Variants in FRG1 observed in about 807,000 individuals in gnomAD.
The protein encoded by FRG1 is protein FRG1.
A neutral mutation model predicts 37.0 loss-of-function variants in FRG1; 19 were observed. The observed-to-expected ratio is 0.51, with a 90% CI of 0.36 to 0.75. FRG1 has a LOEUF of 0.75. FRG1 is among the 30% of genes least tolerant of loss of function. The pLI is 0.00. For missense variants in FRG1, 243 were observed against 301.4 expected, an observed-to-expected ratio of 0.81 and a Z score of 1.44; for synonymous variants, 73 against 96.5, an observed-to-expected ratio of 0.76 and a Z score of 1.43.
intron 4 of FRG1, among the ~76,000 whole-genome samples, chr4:189,954,421 AATTT>A (rs1467518055): frequency 7.2e-5 from 11 of 152,084 alleles, no homozygotes; most frequent in East Asian, 1.9e-4. Context: ...AAGTTTTAGT[AATTT>A]ATTCTTGAAC....
rs1736267513 is a variant in FRG1, at chr4:189,941,055, G to A, written c.46G>A (p.Gly16Arg). 1 of 1,614,140 alleles carries A rather than the reference G, an allele frequency of 6.2e-7. No homozygotes were observed. The highest frequency in any genetic ancestry group is 1.6e-4 in the Middle Eastern group (1 of 6,062). Reference protein sequence around the residue: ...YVKSTKLVLKGTKTKSKKKKS... With the variant: ...YVKSTKLVLKRTKTKSKKKKS... ...GAAGTCTACCAAGCTCGTGCTCAAG[G>A]GAACCAAGACGAAGAGGTGGGTCCT... The change falls in exon 1 of 9, where the codon GGA (glycine) becomes AGA (arginine). Residue 16 changes from glycine to arginine, a missense_variant. Physicochemically the swap from Gly to Arg is moderately radical, Grantham distance 125. This residue lies in a region of FRG1 where 110 missense variants were observed against 102.2 expected (regional missense o/e 1.08). Coordinates refer to ENST00000226798, the MANE Select transcript of FRG1 (RefSeq NM_004477.3).
intron 6 of FRG1, among the ~76,000 whole-genome samples, chr4:189,959,583 A>G (rs1345159149): frequency 2.0e-5 from 3 of 152,212 alleles, no homozygotes; most frequent in Admixed American, 2.0e-4. Context: ...ATTTATTTAT[A>G]TTTTATTGTA....
At chr4:189,946,976 C>T (rs532617501) in intron 2 of FRG1, among the ~76,000 whole-genome samples, 2 of 152,254 alleles carry the variant, frequency 1.3e-5, no homozygotes, top group South Asian at 2.1e-4. Context: ...CCTCAGCCTC[C>T]GGAGTAACTG....
At chr4:189,945,776 T>G (rs1266258385) in intron 2 of FRG1, among the ~76,000 whole-genome samples, 1 of 152,150 alleles carries the variant, frequency 6.6e-6, no homozygotes, top group Admixed American at 6.5e-5. Context: ...GTCACAAAAT[T>G]AGATGGAAAG....
intron 2 of FRG1, among the ~76,000 whole-genome samples, chr4:189,950,569 T>C (rs1736710990): frequency 1.3e-5 from 2 of 152,202 alleles, no homozygotes; most frequent in South Asian, 2.1e-4. Context: ...TCCAACTTCA[T>C]TTTAGCTAAA....
In FRG1 at chr4:189,957,418, C is replaced by A; in HGVS notation, c.453C>A (p.Ala151=). 1 of 1,612,212 alleles carries A rather than the reference C, an allele frequency of 6.2e-7. No homozygotes were observed. The highest frequency in any genetic ancestry group is 1.1e-5 in the South Asian group (1 of 90,894). The change falls in exon 6 of 9, where the codon GCC becomes GCA. Residue 151 remains alanine (A), a synonymous_variant. Transcript: ENST00000226798. ...CTTAGGGGAAAATGGCTTTGTTGGC[C>A]TCAAATAGCTGCTTTATTAGATGCA... ...VFQNGKMALL[A]SNSCFIRCNE...
chr4:189,946,634 C>T (rs6822555), intron 2 of FRG1, among the ~76,000 whole-genome samples: 152,318 of 152,320 alleles, frequency 1, 76,158 homozygotes, highest in Middle Eastern at 1. Flanking sequence ...TTCAAAATAT[C>T]ATCTAGTTTT....
At chr4:189,957,535 T>C (rs779585295) in intron 6 of FRG1, 33 bp downstream of exon 6, 1 of 1,603,470 alleles carries the variant, frequency 6.2e-7, no homozygotes, top group Admixed American at 1.7e-5. Flanking sequence ...ATGACTGCAT[T>C]CACACATGCG....
chr4:189,951,127 A>G (rs200378232), intron 2 of FRG1, among the ~76,000 whole-genome samples: 1 of 152,142 alleles, frequency 6.6e-6, no homozygotes, highest in Non-Finnish European at 1.5e-5. Flanking sequence ...TAATATTTCT[A>G]TTGGCAAATT....
chr4:189,956,669 A>C (rs1309877224), intron 5 of FRG1, among the ~76,000 whole-genome samples: 1 of 152,246 alleles, frequency 6.6e-6, no homozygotes, highest in Non-Finnish European at 1.5e-5. Flanking sequence ...GATGTGATAT[A>C]AGGTTAACAT....
chr4:189,944,818 A>G (rs1736459242), intron 2 of FRG1, among the ~76,000 whole-genome samples: 1 of 152,276 alleles, frequency 6.6e-6, no homozygotes, highest in African/African-American at 2.4e-5. Flanking sequence ...AAGTCTTGAG[A>G]TCAGGTAGTG....
rs1561081563 is a variant in FRG1 at position 189,963,131 on chromosome 4, T to A, written c.*2T>A. ...AAAGCCGACAGATACTGCAAGTGAC[T>A]GGGATTTTTGTTTCTGCCTTATCTT... On this transcript the variant is annotated 3_prime_UTR_variant, in exon 9 of 9. Transcript: ENST00000226798. 2 of 1,611,410 alleles carry A rather than the reference T, an allele frequency of 1.2e-6. No homozygotes were observed. The highest frequency in any genetic ancestry group is 2.2e-5 in the East Asian group (1 of 44,774).
intron 8 of FRG1, 68 bp downstream of exon 8, chr4:189,962,000 A>G: frequency 1.3e-6 from 1 of 787,732 alleles, no homozygotes; most frequent in Non-Finnish European, 2.1e-6. Context: ...GAAAACCTAC[A>G]TTCTCTTAAA....
chr4:189,941,569 A>G (rs1416953706), intron 1 of FRG1, among the ~76,000 whole-genome samples: 1 of 152,118 alleles, frequency 6.6e-6, no homozygotes, highest in Non-Finnish European at 1.5e-5. Context: ...GTCATTTACT[A>G]GTTTTGTAAT....
chr4:189,951,990 A>T (rs998316265), intron 2 of FRG1, among the ~76,000 whole-genome samples, 172 bp from the exon 3 acceptor site: 1 of 152,222 alleles, frequency 6.6e-6, no homozygotes, highest in Non-Finnish European at 1.5e-5. Context: ...ACAGTGTATG[A>T]TACTTATGCA....
At chr4:189,949,154 G>A (rs1162289934) in intron 2 of FRG1, among the ~76,000 whole-genome samples, 1 of 152,134 alleles carries the variant, frequency 6.6e-6, no homozygotes, top group East Asian at 1.9e-4. Flanking sequence ...TTCAGCTTGG[G>A]CATCTGCACC....
chr4:189,951,079 C>T (rs1391925039), intron 2 of FRG1, among the ~76,000 whole-genome samples: 3 of 152,120 alleles, frequency 2.0e-5, no homozygotes, highest in African/African-American at 7.2e-5. Flanking sequence ...AAGATATAAA[C>T]TTTTATAACA....
chr4:189,946,698 T>G (rs556365898), intron 2 of FRG1, among the ~76,000 whole-genome samples: 1 of 152,366 alleles, frequency 6.6e-6, no homozygotes, highest in African/African-American at 2.4e-5. Context: ...TATATTGTTT[T>G]TAATTTCTAC....
At chr4:189,951,792 G>A (rs1736764898) in intron 2 of FRG1, among the ~76,000 whole-genome samples, 1 of 152,058 alleles carries the variant, frequency 6.6e-6, no homozygotes, top group South Asian at 2.1e-4. Context: ...AGCTCCCCGA[G>A]TAGCTGAGAT....
Sources: gnomAD v4.1 joint callset for allele counts (sites outside exome capture counted in the v4.1 genomes callset) on GRCh38, gnomAD v4.1.1 for gene constraint, gnomAD v4.1.1 regional missense constraint, MANE v1.5 for transcripts, NCBI Gene and HGNC (gene_info 2026-07-23, HGNC 2026-07-21) for gene names.